AP1S3: variants seen among roughly 807,000 people sequenced by gnomAD.
AP1S3 encodes adaptor related protein complex 1 subunit sigma 3, also known as AP-1 complex subunit sigma-3.
Under a neutral mutation model 20.9 loss-of-function variants are expected in AP1S3, and 10 were observed. The ratio of observed to expected loss-of-function variants is 0.48; its 90% CI spans 0.29 to 0.81. The LOEUF is 0.81. Ranked by LOEUF, AP1S3 falls within the 30% of genes least tolerant of loss-of-function variation. The probability of loss-of-function intolerance (pLI) is 0.08; values close to 1 mark genes in which losing one functional copy is unlikely to be tolerated. For synonymous variants in AP1S3, 41 were observed against 61.5 expected (o/e 0.67, Z 1.56); for missense variants, 154 against 183.8 (o/e 0.84, Z 0.94).
At chr2:223,816,398 G>C (rs1574723382) in intron 1 of AP1S3, among the ~76,000 whole-genome samples, 1 of 151,906 alleles carries the variant, frequency 6.6e-6, no homozygotes, top group African/African-American at 2.4e-5. Context: ...GAGATCAAAC[G>C]GTCTTTTTAA....
At chr2:223,783,579 G>A (rs748216187) in intron 1 of AP1S3, among the ~76,000 whole-genome samples, 4 of 152,240 alleles carry the variant, frequency 2.6e-5, no homozygotes, top group Non-Finnish European at 4.4e-5. Context: ...AAGCGCAGCA[G>A]CACCAGTCTG....
intron 1 of AP1S3, among the ~76,000 whole-genome samples, chr2:223,822,413 G>A (rs1395863007): frequency 2.7e-5 from 4 of 150,926 alleles, no homozygotes; most frequent in African/African-American, 7.3e-5. Context: ...GGCCAGGCAC[G>A]ATGGCTAATG....
At chr2:223,775,484 G>A (rs1690761231) in intron 3 of AP1S3, among the ~76,000 whole-genome samples, 1 of 152,106 alleles carries the variant, frequency 6.6e-6, no homozygotes, top group Non-Finnish European at 1.5e-5. Context: ...TTAAATTCTG[G>A]TTCACTGAAA....
chr2:223,837,507 G>A lies in AP1S3; in HGVS notation c.-57C>T, dbSNP rs1692436124. On this transcript the variant is annotated 5_prime_UTR_variant, in exon 1 of 5. Coordinates refer to ENST00000396654, the MANE Select transcript of AP1S3 (RefSeq NM_001039569.2). The stretch of plus-strand genomic sequence containing the variant: ...GAGCAAGGAGCGCTGGAGAAGCGAG[G>A]GCGAGAGGCGAGCGCTGGAGCCGGT... 8.2e-7 allele frequency: 1 copy of A among 1,212,292 alleles called. No individual in the cohort carries two copies. The highest frequency in any genetic ancestry group is 1.0e-6 in the Non-Finnish European group (1 of 959,084). 75.1% of individuals were successfully genotyped at this position (1,212,292 alleles called of 1,614,324 possible). A position where few individuals can be genotyped will look rare whatever the true frequency, so the allele number is the denominator to read the frequency against.
intron 3 of AP1S3, chr2:223,770,105 T>C (rs1295131022): frequency 2.6e-5 from 38 of 1,484,630 alleles, no homozygotes; most frequent in Non-Finnish European, 3.0e-5. Context: ...GCATCATTTT[T>C]GCAGTTTTAA....
intron 1 of AP1S3, among the ~76,000 whole-genome samples, chr2:223,795,220 G>C (rs1326105078): frequency 6.6e-6 from 1 of 152,146 alleles, no homozygotes; most frequent in African/African-American, 2.4e-5. Context: ...CTGCACTCCA[G>C]CCTGGGCAAC....
chr2:223,793,777 C>T (rs1251482176), intron 1 of AP1S3, among the ~76,000 whole-genome samples: 1 of 151,954 alleles, frequency 6.6e-6, no homozygotes, highest in Non-Finnish European at 1.5e-5. Flanking sequence ...TGACCAACAT[C>T]TCCCCTTTTC....
At chr2:223,808,587 G>A (rs1369431963) in intron 1 of AP1S3, among the ~76,000 whole-genome samples, 2 of 152,134 alleles carry the variant, frequency 1.3e-5, no homozygotes, top group Non-Finnish European at 2.9e-5. Flanking sequence ...TCTAATTTTT[G>A]ATTCTCTGTA....
rs1690302972 is a variant in AP1S3, at chr2:223,759,532, T to A, written c.430-782A>T. Among the ~76,000 whole-genome samples the A allele has an allele frequency of 3.3e-5, 5 of 152,192 alleles. No individual in the cohort carries two copies. The South Asian group carries it at 1.0e-3, about 31-fold the overall frequency. The stretch of plus-strand genomic sequence containing the variant: ...CAGACCAAAATTCTTAAGAATTTCT[T>A]TACTTCTCTACAAGGTTCACAGGAA... On this transcript the variant is annotated intron_variant, in intron 4 of 4. Coordinates refer to ENST00000396654, the MANE Select transcript of AP1S3 (RefSeq NM_001039569.2).
chr2:223,780,276 AATATATATATATATATATATAT>A lies in AP1S3; in HGVS notation c.4-2429_4-2408del, dbSNP rs138804582. Among the ~76,000 whole-genome samples, 3 of 24,386 alleles carry A rather than the reference AATATATATATATATATATATAT, an allele frequency of 1.2e-4. No individual in the cohort carries two copies. In the East Asian group the frequency reaches 3.5e-3, roughly 28 times the overall value. The allele number at this position is 24,386 out of a possible 152,430, so 16.0% of individuals were successfully genotyped here. ...CAGGTGTGCACCACCATGCCTGGCT[AATATATATATATATATATATAT>A]ATATATATATAGAGAGAGAGAGAGA... On this transcript the variant is annotated intron_variant, in intron 1 of 4. Coordinates refer to ENST00000396654, the MANE Select transcript of AP1S3 (RefSeq NM_001039569.2).
At position 223,759,403 on chromosome 2, in the gene AP1S3, C is replaced by T. The variant is rs1017580673; in HGVS notation, c.430-653G>A. 2.6e-5 allele frequency among the ~76,000 whole-genome samples: 4 copies of T among 152,050 alleles called. No individual in the cohort carries two copies. The East Asian group carries it at 5.8e-4, about 22-fold the overall frequency. The stretch of plus-strand genomic sequence containing the variant: ...TGATCAGGAGGACCACATCCAGGTA[C>T]GTGTATTAGAGAATTCTGAATTACG... On this transcript the variant is annotated intron_variant, in intron 4 of 4. Coordinates refer to ENST00000396654, the MANE Select transcript of AP1S3 (RefSeq NM_001039569.2).
intron 3 of AP1S3, among the ~76,000 whole-genome samples, chr2:223,773,561 T>C (rs1574692060): frequency 6.6e-6 from 1 of 152,202 alleles, no homozygotes; most frequent in East Asian, 1.9e-4. Flanking sequence ...CTGAAATCCC[T>C]GAAGCAACAT....
intron 1 of AP1S3, among the ~76,000 whole-genome samples, chr2:223,792,181 G>C (rs1035732241): frequency 6.6e-6 from 1 of 152,092 alleles, no homozygotes; most frequent in Non-Finnish European, 1.5e-5. Context: ...AAAAGAGCCT[G>C]AATAGCCAAG....
At chr2:223,810,778 G>T (rs642611) in intron 1 of AP1S3, among the ~76,000 whole-genome samples, 98,221 of 151,936 alleles carry the variant, frequency 0.65, 33,659 homozygotes, top group African/African-American at 0.88. Context: ...CAACAAATAC[G>T]TTGTGATGAA....
At chr2:223,780,746 T>C (rs1690926811) in intron 1 of AP1S3, among the ~76,000 whole-genome samples, 1 of 118,032 alleles carries the variant, frequency 8.5e-6, no homozygotes, top group Non-Finnish European at 2.0e-5. Flanking sequence ...TTCTTAATAG[T>C]TCATCTTTTT....
At position 223,755,871 on chromosome 2, in the gene AP1S3, G is replaced by A; in HGVS notation, c.*2844C>T. On this transcript the variant is annotated 3_prime_UTR_variant, in exon 5 of 5. Transcript: ENST00000396654. ...CTATGTGTGACACTGATTGAAGTCT[G>A]AGAAGCCCTGTCCATAACTAAAGTG... 1.0e-6 allele frequency: 1 copy of A among 985,404 alleles called. No homozygotes were observed. The highest frequency in any genetic ancestry group is 1.2e-6 in the Non-Finnish European group (1 of 829,910). The allele number at this position is 985,404 out of a possible 1,614,324, so 61.0% of individuals were successfully genotyped here. A position where few individuals can be genotyped will look rare whatever the true frequency, so the allele number is the denominator to read the frequency against.
chr2:223,780,179 T>C (rs1690886872), intron 1 of AP1S3, among the ~76,000 whole-genome samples: 1 of 150,570 alleles, frequency 6.6e-6, no homozygotes, highest in Admixed American at 6.7e-5. Context: ...TGGAGTGCAG[T>C]GGCTCACTGC....
At chr2:223,806,409 G>T (rs180811934) in intron 1 of AP1S3, among the ~76,000 whole-genome samples, 1 of 149,424 alleles carries the variant, frequency 6.7e-6, no homozygotes, top group Non-Finnish European at 1.5e-5. Context: ...TCAACCTCTC[G>T]AGTAGGTGGG....
intron 1 of AP1S3, among the ~76,000 whole-genome samples, chr2:223,833,241 A>AATAAATACATCC (rs112316770): frequency 6.7e-6 from 1 of 148,432 alleles, no homozygotes; most frequent in East Asian, 2.0e-4. Context: ...TTAAAGGCAA[A>AATAAATACATCC]ATACATACAT....
Sources: gnomAD v4.1 joint callset for allele counts (sites outside exome capture counted in the v4.1 genomes callset) on GRCh38, gnomAD v4.1.1 for gene constraint, MANE v1.5 for transcripts, NCBI Gene and HGNC (gene_info 2026-07-23, HGNC 2026-07-21) for gene names.